Variants in GGA2 observed in about 807,000 individuals in gnomAD.
The protein encoded by GGA2 is golgi associated, gamma adaptin ear containing, ARF binding protein 2.
A neutral mutation model predicts 79.5 loss-of-function variants in GGA2; 48 were observed. The ratio of observed to expected loss-of-function variants is 0.60; its 90% CI spans 0.48 to 0.77. The LOEUF is 0.77. GGA2 is among the 30% of genes least tolerant of loss of function. GGA2 has a pLI of 0.00. For missense variants in GGA2, 770 were observed against 774.0 expected, an observed-to-expected ratio of 0.99 and a Z score of 0.06; for synonymous variants, 317 against 302.0, an observed-to-expected ratio of 1.05 and a Z score of -0.51.
upstream of GGA2, chr16:23,522,197 T>C (rs1965150600): frequency 9.8e-6 from 2 of 203,774 alleles, no homozygotes; most frequent in Admixed American, 1.1e-4. Context: ...GAAAGCTCCC[T>C]AGTTTTCCTT....
At chr16:23,510,280 G>C in intron 1 of GGA2, 41 bp downstream of exon 1, 1 of 1,296,656 alleles carries the variant, frequency 7.7e-7, no homozygotes, top group Non-Finnish European at 1.0e-6. Flanking sequence ...GGCCTCACGT[G>C]CGGCGCAGCG....
intron 16 of GGA2, among the ~76,000 whole-genome samples, chr16:23,468,664 G>A (rs1422820372): frequency 6.6e-6 from 1 of 151,390 alleles, no homozygotes; most frequent in African/African-American, 2.4e-5. Context: ...AGTAGAGATG[G>A]GGTTTCACCA....
At chr16:23,523,535 C>T (rs547094685), upstream of GGA2, 1 of 152,342 alleles carries the variant, frequency 6.6e-6, no homozygotes, top group African/African-American at 2.4e-5. Flanking sequence ...TCACACTTCT[C>T]CTTTTACAAC....
At chr16:23,481,780 A>G (rs556998181) in intron 9 of GGA2, among the ~76,000 whole-genome samples, 1 of 152,372 alleles carries the variant, frequency 6.6e-6, no homozygotes, top group African/African-American at 2.4e-5. Context: ...ACTGTCTCAA[A>G]AAAAAGGAAA....
intron 1 of GGA2, among the ~76,000 whole-genome samples, chr16:23,504,966 CCCA>C (rs2142142883): frequency 6.6e-6 from 1 of 152,318 alleles, no homozygotes; most frequent in East Asian, 1.9e-4. Flanking sequence ...GCCAAACCAT[CCCA>C]CGTCAGCTGC....
At position 23,479,818 on chromosome 16, in the gene GGA2, G is replaced by C; in HGVS notation, c.1076C>G (p.Ala359Gly). 1 of 1,614,110 alleles carries C rather than the reference G, an allele frequency of 6.2e-7. No homozygotes were observed. The highest frequency in any genetic ancestry group is 8.5e-7 in the Non-Finnish European group (1 of 1,179,980). The change falls in exon 11 of 17, where the codon GCG becomes GGG. Residue 359 changes from alanine to glycine, a missense_variant. Transcript: ENST00000309859. ...AGATGGCACCACAGTCCCCATCTGCGCAGGTCCATTGTCCACCTCCAAGTC... is the reference window on the plus strand; with the variant it reads ...AGATGGCACCACAGTCCCCATCTGCCCAGGTCCATTGTCCACCTCCAAGTC... ...LIDLEVDNGP[A>G]QMGTVVPSLL...
At chr16:23,506,423 G>C (rs1324258433) in intron 1 of GGA2, among the ~76,000 whole-genome samples, 2 of 152,158 alleles carry the variant, frequency 1.3e-5, no homozygotes, top group Non-Finnish European at 2.9e-5. Context: ...CTGATGTCCA[G>C]TCAGCATTCT....
At chr16:23,507,347 C>CA (rs1964984366) in intron 1 of GGA2, among the ~76,000 whole-genome samples, 2 of 152,114 alleles carry the variant, frequency 1.3e-5, no homozygotes, top group Admixed American at 6.6e-5. Flanking sequence ...TAATAAAACA[C>CA]AAATTAGGCC....
intron 12 of GGA2, 164 bp from the exon 13 acceptor site, chr16:23,478,665 C>A (rs1964607669): frequency 1.3e-6 from 1 of 761,604 alleles, no homozygotes; most frequent in Non-Finnish European, 2.3e-6. Flanking sequence ...ACATGCAGCT[C>A]CTGGGCAGAC....
rs1266263175 is a variant in GGA2 at position 23,486,734 on chromosome 16, C to CCG, written c.634_635dup (p.Leu213GlyfsTer2). 6.2e-7 allele frequency: 1 copy of CCG among 1,609,930 alleles called. No individual in the cohort carries two copies. The highest frequency in any genetic ancestry group is 8.5e-7 in the Non-Finnish European group (1 of 1,176,290). On this transcript the variant is annotated frameshift_variant, in exon 7 of 17. Transcript: ENST00000309859. LOFTEE classifies it high-confidence loss of function. ...CCTCCTTGACCAAATTCTTGATTAA[C>CCG]CGGTTTGCAGCCTGAAGGTCCTCGG...
intron 8 of GGA2, 75 bp downstream of exon 8, chr16:23,485,940 G>A (rs1023753513): frequency 1.5e-6 from 2 of 1,340,246 alleles, no homozygotes; most frequent in Admixed American, 1.9e-5. Flanking sequence ...ATGGCTTCAT[G>A]GGTGCAAACA....
chr16:23,469,860 C>T, intron 15 of GGA2, 136 bp downstream of exon 15: 1 of 590,390 alleles, frequency 1.7e-6, no homozygotes. Flanking sequence ...GTCAGGTAAG[C>T]CATTACATTC....
chr16:23,476,914 C>A (rs955509974), intron 13 of GGA2, among the ~76,000 whole-genome samples: 1 of 152,130 alleles, frequency 6.6e-6, no homozygotes, highest in African/African-American at 2.4e-5. Flanking sequence ...TATTTTCCTA[C>A]GACTTAGGAA....
intron 6 of GGA2, 135 bp downstream of exon 6, chr16:23,488,471 A>C (rs1964742735): frequency 1.5e-6 from 1 of 686,056 alleles, no homozygotes; most frequent in Non-Finnish European, 2.6e-6. Flanking sequence ...CTGCTACCTC[A>C]CTCCTAAGGG....
Position 23,468,904 on chromosome 16 carries a change from C to G in GGA2, c.1713G>C (p.Leu571=). 6.2e-7 allele frequency: 1 copy of G among 1,604,086 alleles called. No individual in the cohort carries two copies. The highest frequency in any genetic ancestry group is 1.1e-5 in the South Asian group (1 of 90,884). ...MPPAVISQML[L]LDNPHKEPIR... is the part of the protein sequence containing the mutation. ...AACATACTTTGTGTGGATTGTCAAG[C>G]AGCAGCATCTGAGATATCACAGCTG... The change falls in exon 16 of 17, where the codon CTG becomes CTC. Residue 571 remains leucine, a synonymous_variant. Transcript: ENST00000309859.
At chr16:23,479,092 AAC>A in intron 11 of GGA2, 181 bp from the exon 12 acceptor site, 1 of 616,082 alleles carries the variant, frequency 1.6e-6, no homozygotes, top group Non-Finnish European at 2.9e-6. Flanking sequence ...GGACCCTCTG[AAC>A]TGCCCAGAAC....
chr16:23,505,132 C>T (rs770619338), intron 1 of GGA2, among the ~76,000 whole-genome samples: 1 of 152,186 alleles, frequency 6.6e-6, no homozygotes, highest in Non-Finnish European at 1.5e-5. Flanking sequence ...GGGAGGGACA[C>T]GTGGACCCCA....
In GGA2 at chr16:23,479,848, A is replaced by G. The variant is rs200346354; in HGVS notation, c.1046T>C (p.Leu349Pro). ...TCCATTGTCCACCTCCAAGTCAATCAGGGGGCAGGTCTTCATGCAGCCTGC... is the reference window on the plus strand; with the variant it reads ...TCCATTGTCCACCTCCAAGTCAATCGGGGGGCAGGTCTTCATGCAGCCTGC... Reference protein sequence around the residue: ...NPAGCMKTCPLIDLEVDNGPA... With the variant: ...NPAGCMKTCPPIDLEVDNGPA... The change falls in exon 11 of 17, where the codon CTG becomes CCG. Residue 349 changes from leucine (L) to proline (P), a missense_variant. Coordinates refer to ENST00000309859, the MANE Select transcript of GGA2 (RefSeq NM_015044.4). 6.2e-7 allele frequency: 1 copy of G among 1,614,078 alleles called. No homozygotes were observed. Among genetic ancestry groups the G allele is most frequent in the East Asian group, 2.2e-5 (1 of 44,882 alleles).
At chr16:23,511,016 CGTGTGTGTGTGTGTGT>C (rs145140640), upstream of GGA2, among the ~76,000 whole-genome samples, 2 of 28,838 alleles carry the variant, frequency 6.9e-5, no homozygotes, top group East Asian at 8.1e-4. Context: ...TGGGTTTCAC[CGTGTGTGTGTGTGTGT>C]GTGTGTGTGT....
Sources: gnomAD v4.1 joint callset for allele counts (sites outside exome capture counted in the v4.1 genomes callset) on GRCh38, gnomAD v4.1.1 for gene constraint, MANE v1.5 for transcripts, NCBI Gene and HGNC (gene_info 2026-07-23, HGNC 2026-07-21) for gene names.